The following SH3BP4 variants were observed in gnomAD, a reference collection of about 807,000 sequenced individuals.
SH3BP4 encodes SH3 domain binding protein 4.
A neutral mutation model predicts 65.5 loss-of-function variants in SH3BP4; 33 were observed. The ratio of observed to expected loss-of-function variants is 0.50; its 90% CI spans 0.38 to 0.67. The LOEUF is 0.67. Ranked by LOEUF, SH3BP4 falls within the 30% of genes least tolerant of loss-of-function variation. The probability of loss-of-function intolerance (pLI) is 0.00; values close to 1 mark genes in which losing one functional copy is unlikely to be tolerated. For missense variants in SH3BP4, 1,134 were observed against 1,261.4 expected, an observed-to-expected ratio of 0.90 and a Z score of 1.53; for synonymous variants, 552 against 545.5, an observed-to-expected ratio of 1.01 and a Z score of -0.17.
At chr2:234,986,377 A>G (rs1693560263) in intron 1 of SH3BP4, among the ~76,000 whole-genome samples, 1 of 152,250 alleles carries the variant, frequency 6.6e-6, no homozygotes, top group African/African-American at 2.4e-5. Context: ...TAGGGGGACA[A>G]AACTCTTTCA....
chr2:235,042,133 C>T lies in SH3BP4; in HGVS notation c.1364C>T (p.Ala455Val). The T allele has an allele frequency of 6.2e-7, 1 of 1,613,934 alleles. No individual in the cohort carries two copies. The highest frequency in any genetic ancestry group is 8.5e-7 in the Non-Finnish European group (1 of 1,180,004). ...LEPCMYVAVV[A>V]HGPSILYPST... is the part of the protein sequence containing the mutation. ...CCCTGTATGTACGTGGCTGTCGTGGCCCATGGCCCAAGCATCCTCTACCCT... is the reference window on the plus strand; with the variant it reads ...CCCTGTATGTACGTGGCTGTCGTGGTCCATGGCCCAAGCATCCTCTACCCT... The change falls in exon 4 of 6, where the codon GCC becomes GTC. Residue 455 changes from alanine to valine, a missense_variant. By Grantham distance (64) the Ala-to-Val change is moderately conservative. Transcript: ENST00000392011. The surrounding 1 kb of genome is among the most constrained non-coding windows in gnomAD (Gnocchi z 7.3).
At chr2:235,009,336 G>A (rs13392922) in intron 2 of SH3BP4, among the ~76,000 whole-genome samples, 2,788 of 152,242 alleles carry the variant, frequency 0.018, 71 homozygotes, top group African/African-American at 0.061. Flanking sequence ...TCAGAGGCTC[G>A]CTCCAGTATG....
At chr2:234,993,727 A>T (rs937388081) in intron 1 of SH3BP4, among the ~76,000 whole-genome samples, 7 of 152,212 alleles carry the variant, frequency 4.6e-5, no homozygotes, top group African/African-American at 1.4e-4. Context: ...GAGAACGAGT[A>T]CTTTGAGAGA....
At chr2:235,006,462 C>A (rs1244801471) in intron 2 of SH3BP4, among the ~76,000 whole-genome samples, 2 of 151,732 alleles carry the variant, frequency 1.3e-5, no homozygotes, top group Non-Finnish European at 2.9e-5. Flanking sequence ...AAAAGCACTC[C>A]CGGAAAGAAG....
At chr2:235,017,685 G>T (rs899489587) in intron 2 of SH3BP4, among the ~76,000 whole-genome samples, 8 of 152,064 alleles carry the variant, frequency 5.3e-5, no homozygotes, top group Admixed American at 1.3e-4. Flanking sequence ...TGCCCTCCAG[G>T]GGCCCAGTGT....
chr2:234,965,068 A>G (rs1191382022), intron 1 of SH3BP4, among the ~76,000 whole-genome samples: 1 of 152,200 alleles, frequency 6.6e-6, no homozygotes, highest in Non-Finnish European at 1.5e-5. Context: ...ATTGTCTCTG[A>G]TTAATCACCC....
chr2:234,953,679 A>C (rs1043609268), intron 1 of SH3BP4, among the ~76,000 whole-genome samples: 1 of 152,168 alleles, frequency 6.6e-6, no homozygotes, highest in African/African-American at 2.4e-5. Flanking sequence ...CAGCGGCTGT[A>C]CTTTAAGGCG....
intron 1 of SH3BP4, among the ~76,000 whole-genome samples, chr2:234,987,592 C>T (rs995055039): frequency 2.0e-5 from 3 of 152,288 alleles, no homozygotes; most frequent in Non-Finnish European, 2.9e-5. Context: ...CATGGTGTCC[C>T]CCCACTTATT....
chr2:235,018,671 C>G (rs1028288389), intron 2 of SH3BP4, among the ~76,000 whole-genome samples: 6 of 152,146 alleles, frequency 3.9e-5, no homozygotes, highest in Admixed American at 6.5e-5. Flanking sequence ...CTGGGGTGCT[C>G]TGGGGGTCCC....
intron 1 of SH3BP4, among the ~76,000 whole-genome samples, chr2:234,956,052 C>T (rs1168136437): frequency 6.6e-6 from 1 of 152,202 alleles, no homozygotes; most frequent in Admixed American, 6.5e-5. Context: ...GAGTGCCAGC[C>T]TCCCTCACAC....
At position 235,025,528 on chromosome 2, in the gene SH3BP4, T is replaced by C. The variant is rs114703141; in HGVS notation, c.-132-9343T>C. 6.4e-3 allele frequency among the ~76,000 whole-genome samples: 969 copies of C among 152,348 alleles called. 6 individuals carry two copies. The highest frequency in any genetic ancestry group is 0.022 in the African/African-American group (930 of 41,582). On this transcript the variant is annotated intron_variant, in intron 2 of 5. Transcript: ENST00000392011. ...GCGCAACAGTCATCCGTGCCACAGA[T>C]GGCACCAAGCACCAAGCTTCGGAGG...
chr2:234,980,972 A>C (rs1379312537), intron 1 of SH3BP4, among the ~76,000 whole-genome samples: 2 of 151,822 alleles, frequency 1.3e-5, no homozygotes, highest in Non-Finnish European at 2.9e-5. Flanking sequence ...GCCCACTGCA[A>C]CCTCCGCCTC....
At chr2:235,000,072 G>T (rs983590940) in intron 2 of SH3BP4, among the ~76,000 whole-genome samples, 1 of 152,252 alleles carries the variant, frequency 6.6e-6, no homozygotes, top group African/African-American at 2.4e-5. Flanking sequence ...CTGGAGAGGG[G>T]TGAGGCCACA....
At chr2:234,954,121 T>C (rs918380131) in intron 1 of SH3BP4, among the ~76,000 whole-genome samples, 1 of 152,060 alleles carries the variant, frequency 6.6e-6, no homozygotes, top group South Asian at 2.1e-4. Context: ...AAATGAACAA[T>C]GACCGGCTGC....
intron 1 of SH3BP4, among the ~76,000 whole-genome samples, chr2:234,992,324 G>A (rs189152604): frequency 7.2e-5 from 11 of 152,300 alleles, no homozygotes; most frequent in African/African-American, 2.4e-4. Context: ...CATGCAGGTC[G>A]TTTTCTTCGG....
chr2:234,985,913 C>G (rs114802261), intron 1 of SH3BP4, among the ~76,000 whole-genome samples: 1 of 137,176 alleles, frequency 7.3e-6, no homozygotes. Flanking sequence ...CACACACCTA[C>G]GAGAACAGGG....
intron 2 of SH3BP4, among the ~76,000 whole-genome samples, chr2:235,019,549 G>A (rs1477707236): frequency 1.3e-5 from 2 of 150,510 alleles, no homozygotes; most frequent in East Asian, 3.9e-4. Flanking sequence ...CGATTCTCCT[G>A]CCTCAGCCTC....
chr2:235,008,771 A>C (rs985749317), intron 2 of SH3BP4, among the ~76,000 whole-genome samples: 3 of 152,146 alleles, frequency 2.0e-5, no homozygotes, highest in African/African-American at 7.2e-5. Flanking sequence ...GTTCTATTTT[A>C]TCTCCACCTG....
At chr2:234,960,194 G>A (rs991788118) in intron 1 of SH3BP4, among the ~76,000 whole-genome samples, 1 of 152,194 alleles carries the variant, frequency 6.6e-6, no homozygotes, top group Non-Finnish European at 1.5e-5. Flanking sequence ...CTAGGCCCAG[G>A]GCCTATGCCC....
Sources: allele counts gnomAD v4.1 joint callset (sites outside exome capture counted in the v4.1 genomes callset), GRCh38; gene constraint gnomAD v4.1.1; non-coding constraint Gnocchi (gnomAD v3.1); transcripts MANE v1.5; gene names NCBI Gene and HGNC (gene_info 2026-07-23, HGNC 2026-07-21).